The following MCC variants were observed in gnomAD, a reference collection of about 807,000 sequenced individuals.
The protein encoded by MCC is MCC regulator of Wnt signaling pathway.
A neutral mutation model predicts 116.2 loss-of-function variants in MCC; 90 were observed. The observed-to-expected ratio is 0.77, with a 90% CI of 0.65 to 0.92. The LOEUF (loss-of-function observed/expected upper bound fraction) is 0.92, where lower values mean the gene tolerates loss of function less well. Ranked by LOEUF, MCC falls within the 40% of genes least tolerant of loss-of-function variation. MCC has a pLI of 0.00. For synonymous variants in MCC, 578 were observed against 510.5 expected, an observed-to-expected ratio of 1.13 and a Z score of -1.78; for missense variants, 1,516 against 1,312.2, an observed-to-expected ratio of 1.16 and a Z score of -2.40.
intron 11 of MCC, among the ~76,000 whole-genome samples, chr5:113,075,525 T>G (rs1158369292): frequency 1.3e-5 from 2 of 152,226 alleles, no homozygotes; most frequent in African/African-American, 4.8e-5. Context: ...CTTGGAGAAC[T>G]TTTAAGTCTA....
intron 3 of MCC, among the ~76,000 whole-genome samples, chr5:113,215,402 G>T (rs1763275653): frequency 6.6e-6 from 1 of 152,166 alleles, no homozygotes. Flanking sequence ...CATAGTGCTG[G>T]CTATGGTTTG....
intron 16 of MCC, among the ~76,000 whole-genome samples, chr5:113,047,643 C>T (rs981946370): frequency 2.0e-5 from 3 of 152,104 alleles, no homozygotes; most frequent in Admixed American, 6.5e-5. Flanking sequence ...CATATGTCTG[C>T]GAGTCCTGGG....
At chr5:113,280,141 C>G (rs550697652) in intron 3 of MCC, among the ~76,000 whole-genome samples, 1 of 152,168 alleles carries the variant, frequency 6.6e-6, no homozygotes, top group African/African-American at 2.4e-5. Flanking sequence ...TGTAATCTGG[C>G]TGGAAACAAA....
In MCC at chr5:113,053,814, G is replaced by C; in HGVS notation, c.2359C>G (p.Pro787Ala). Residue 787 changes from proline (P) to alanine (A), a missense_variant, in exon 15 of 19, where the codon CCT becomes GCT. Physicochemically the swap from Pro to Ala is conservative, Grantham distance 27. Coordinates refer to ENST00000408903, the MANE Select transcript of MCC (RefSeq NM_001085377.2). ...CGAGGCTTGACGTCATAGCTGAGAGGATCGATGTGGATGCTTTCCAGCTCC... is the reference window on the plus strand; with the variant it reads ...CGAGGCTTGACGTCATAGCTGAGAGCATCGATGTGGATGCTTTCCAGCTCC... Reference protein sequence around the residue: ...MLELESIHIDPLSYDVKPRGD... With the variant: ...MLELESIHIDALSYDVKPRGD... 1.2e-6 allele frequency: 2 copies of C among 1,614,136 alleles called. No individual in the cohort carries two copies. Among genetic ancestry groups the C allele is most frequent in the Non-Finnish European group, 1.7e-6 (2 of 1,180,032 alleles).
chr5:113,447,032 T>C (rs778306238), intron 1 of MCC, among the ~76,000 whole-genome samples: 4 of 152,200 alleles, frequency 2.6e-5, no homozygotes, highest in Non-Finnish European at 5.9e-5. Flanking sequence ...TCATCTCTAA[T>C]TGACCCTTTC....
intron 3 of MCC, among the ~76,000 whole-genome samples, chr5:113,307,417 T>C (rs944386978): frequency 1.3e-5 from 2 of 152,208 alleles, no homozygotes; most frequent in South Asian, 2.1e-4. Context: ...CTATTGTAAA[T>C]GAAATGTTTT....
rs748855250 is a variant in MCC, at chr5:113,083,053, G to A, written c.1636-45C>T. 17 of 1,566,832 alleles carry A rather than the reference G, an allele frequency of 1.1e-5. No homozygotes were observed. In the South Asian group the frequency reaches 1.8e-4, roughly 16 times the overall value. ...TTCCCCTTTGGAACATATCATTTCA[G>A]AGATGCATGTTTTGCATGCAAAAGA... On this transcript the variant is annotated intron_variant, in intron 10 of 18. Transcript: ENST00000408903.
chr5:113,243,237 C>A (rs1239464652), intron 3 of MCC, among the ~76,000 whole-genome samples: 1 of 152,106 alleles, frequency 6.6e-6, no homozygotes, highest in African/African-American at 2.4e-5. Context: ...GTAGCTACAT[C>A]AGCCCTCTTC....
Position 113,024,445 on chromosome 5 carries a change from C to T in MCC, c.*2857G>A, listed in dbSNP as rs1750385826. 2 of 152,172 alleles carry T rather than the reference C, an allele frequency of 1.3e-5. No homozygotes were observed. The highest frequency in any genetic ancestry group is 4.1e-4 in the South Asian group (2 of 4,828). The allele number at this position is 152,172 out of a possible 1,614,324, so 9.4% of individuals were successfully genotyped here. A position where few individuals can be genotyped will look rare whatever the true frequency, so the allele number is the denominator to read the frequency against. ...CACAGTTGGTTTTGTTTGCCTCAGTCCAACAATGGGAAATATATTCCAAGG... is the reference window on the plus strand; with the variant it reads ...CACAGTTGGTTTTGTTTGCCTCAGTTCAACAATGGGAAATATATTCCAAGG... On this transcript the variant is annotated 3_prime_UTR_variant, in exon 19 of 19. Transcript: ENST00000408903.
chr5:113,250,245 G>C (rs1423752162), intron 3 of MCC, among the ~76,000 whole-genome samples: 2 of 152,226 alleles, frequency 1.3e-5, no homozygotes, highest in Non-Finnish European at 2.9e-5. Flanking sequence ...TGAGGACAGA[G>C]TCACCAAGGA....
At chr5:113,063,840 G>T in intron 14 of MCC, 144 bp downstream of exon 14, 1 of 785,652 alleles carries the variant, frequency 1.3e-6, no homozygotes, top group Non-Finnish European at 1.9e-6. Flanking sequence ...CTCCTTTTTG[G>T]ATGGAGCAGG....
chr5:113,303,306 C>T (rs1384599248), intron 3 of MCC, among the ~76,000 whole-genome samples: 2 of 152,160 alleles, frequency 1.3e-5, no homozygotes, highest in East Asian at 3.9e-4. Context: ...AGTAATAATG[C>T]AGTCCCAGGA....
chr5:113,198,141 A>G (rs924013860), intron 3 of MCC, among the ~76,000 whole-genome samples: 1 of 152,212 alleles, frequency 6.6e-6, no homozygotes, highest in Non-Finnish European at 1.5e-5. Flanking sequence ...CGTGCCACAT[A>G]CAGAAATGGT....
At chr5:113,453,315 CACAT>C (rs1383764702) in intron 1 of MCC, among the ~76,000 whole-genome samples, 2 of 152,178 alleles carry the variant, frequency 1.3e-5, no homozygotes, top group Admixed American at 6.5e-5. Flanking sequence ...CACACGGGCA[CACAT>C]ACAGAGAGTC....
Position 113,148,421 on chromosome 5 carries a change from G to A in MCC, c.741+2888C>T, listed in dbSNP as rs563876718. On this transcript the variant is annotated intron_variant, in intron 4 of 18. Coordinates refer to ENST00000408903, the MANE Select transcript of MCC (RefSeq NM_001085377.2). ...TAAGACACCTTCTTTTATTCAACCA[G>A]TTCCAGTGTCACCATTAATAATTAT... Among the ~76,000 whole-genome samples the A allele has an allele frequency of 2.6e-5, 4 of 152,296 alleles. No homozygotes were observed. The South Asian group carries it at 8.3e-4, about 32-fold the overall frequency.
At chr5:113,284,271 G>A (rs1268427201) in intron 3 of MCC, among the ~76,000 whole-genome samples, 1 of 152,174 alleles carries the variant, frequency 6.6e-6, no homozygotes, top group Non-Finnish European at 1.5e-5. Flanking sequence ...GATCACTTGA[G>A]CCCAGTGGGT....
chr5:113,478,199 A>T (rs1276490671), intron 1 of MCC, among the ~76,000 whole-genome samples: 1 of 152,314 alleles, frequency 6.6e-6, no homozygotes, highest in South Asian at 2.1e-4. Flanking sequence ...GGCTCTTTCC[A>T]CTATGCTGCA....
chr5:113,140,623 C>A (rs779209833), intron 5 of MCC, among the ~76,000 whole-genome samples: 10 of 152,110 alleles, frequency 6.6e-5, no homozygotes, highest in Non-Finnish European at 1.3e-4. Flanking sequence ...ATGAGATTGT[C>A]ATTTTCTTTC....
chr5:113,219,160 A>G (rs1763445464), intron 3 of MCC, among the ~76,000 whole-genome samples: 1 of 152,236 alleles, frequency 6.6e-6, no homozygotes, highest in Admixed American at 6.5e-5. Flanking sequence ...GATAATAACA[A>G]GTTCGCTGCT....
Sources: gnomAD v4.1 joint callset for allele counts (sites outside exome capture counted in the v4.1 genomes callset) on GRCh38, gnomAD v4.1.1 for gene constraint, MANE v1.5 for transcripts, NCBI Gene and HGNC (gene_info 2026-07-23, HGNC 2026-07-21) for gene names.